DCUN1D3: variants seen among roughly 807,000 people sequenced by gnomAD.
The protein encoded by DCUN1D3 is DCN1-like protein 3.
Under a neutral mutation model 24.8 loss-of-function variants are expected in DCUN1D3, and 6 were observed. The observed-to-expected ratio is 0.24, with a 90% CI of 0.13 to 0.48. DCUN1D3 has a LOEUF of 0.48. DCUN1D3 is among the 20% of genes least tolerant of loss of function. The pLI is 0.99. For synonymous variants in DCUN1D3, 120 were observed against 144.9 expected, an observed-to-expected ratio of 0.83 and a Z score of 1.24; for missense variants, 258 against 379.4, an observed-to-expected ratio of 0.68 and a Z score of 2.66.
At position 20,862,451 on chromosome 16, in the gene DCUN1D3, T is replaced by C. The variant is rs1443602562; in HGVS notation, c.88A>G (p.Ser30Gly). 6.2e-7 allele frequency: 1 copy of C among 1,613,282 alleles called. No individual in the cohort carries two copies. The change falls in exon 2 of 3, where the codon AGC (serine) becomes GGC (glycine). Residue 30 changes from serine (S) to glycine (G), a missense_variant. By Grantham distance (56) the Ser-to-Gly change is moderately conservative. Transcript: ENST00000324344. ...TCACGGTGGCCTGCACCCCTCCTGC[T>C]ATGTGACTTGTTGCTGGGCTCACGG... ...GDREPSNKSH[S>G]RRGAGHREEQ...
At chr16:20,862,881 C>T (rs993734173) in intron 1 of DCUN1D3, among the ~76,000 whole-genome samples, 3 of 152,146 alleles carry the variant, frequency 2.0e-5, no homozygotes, top group African/African-American at 2.4e-5. Flanking sequence ...CTTAAGGTAA[C>T]ATAGATTTCA....
chr16:20,879,809 T>A (rs1041240940), intron 1 of DCUN1D3, among the ~76,000 whole-genome samples: 13 of 152,194 alleles, frequency 8.5e-5, no homozygotes, highest in African/African-American at 2.9e-4. Context: ...TTAACTCCTA[T>A]TCACCCAGGT....
In DCUN1D3 at chr16:20,856,197, A is replaced by T. The variant is rs1213697401; in HGVS notation, c.*3689T>A. ...TAAAAGTAATTGTGGTTTTTGCCAT[A>T]CTTAATGGCAATACATTAAGTATGG... On this transcript the variant is annotated 3_prime_UTR_variant, in exon 3 of 3. Coordinates refer to ENST00000324344, the MANE Select transcript of DCUN1D3 (RefSeq NM_173475.4). 3.3e-5 allele frequency: 5 copies of T among 152,188 alleles called. No homozygotes were observed. Among genetic ancestry groups the T allele is most frequent in the African/African-American group, 4.8e-5 (2 of 41,450 alleles). The allele number at this position is 152,188 out of a possible 1,614,324, so 9.4% of individuals were successfully genotyped here.
chr16:20,871,238 T>C (rs148435248), intron 1 of DCUN1D3, among the ~76,000 whole-genome samples: 32 of 152,336 alleles, frequency 2.1e-4, no homozygotes, highest in African/African-American at 7.7e-4. Flanking sequence ...ATTTTCCAGC[T>C]TTTAAAAGAC....
rs557201637 is a variant in DCUN1D3, at chr16:20,873,120, C to CAA, written c.-105-10479_-105-10478dup. Reference sequence around the variant, plus strand: ...TGGGCTACAGAGCGAGACTCTGTCTCAAAAAAAAAAAAAAAAACAACTAAC... The same window carrying CAA: ...TGGGCTACAGAGCGAGACTCTGTCTCAAAAAAAAAAAAAAAAAAACAACTAAC... On this transcript the variant is annotated intron_variant, in intron 1 of 2. Transcript: ENST00000324344. 7.7e-3 allele frequency among the ~76,000 whole-genome samples: 489 copies of CAA among 63,654 alleles called. 2 individuals are homozygous for CAA. The highest frequency in any genetic ancestry group is 0.025 in the African/African-American group (437 of 17,392). The allele number at this position is 63,654 out of a possible 152,430, so 41.8% of individuals were successfully genotyped here.
chr16:20,886,243 G>C (rs562702383), intron 1 of DCUN1D3, among the ~76,000 whole-genome samples: 1 of 152,094 alleles, frequency 6.6e-6, no homozygotes, highest in African/African-American at 2.4e-5. Context: ...TCCTGAAATC[G>C]GGACCTGCTC....
intron 1 of DCUN1D3, among the ~76,000 whole-genome samples, chr16:20,866,277 C>T (rs377149964): frequency 3.3e-5 from 5 of 152,088 alleles, no homozygotes; most frequent in Non-Finnish European, 7.4e-5. Context: ...AACAAAAGGC[C>T]CAAACTTACA....
At position 20,862,552 on chromosome 16, in the gene DCUN1D3, T is replaced by C; in HGVS notation, c.-14A>G. ...ACACTGGCCCATGGTGCTGGTGGCC[T>C]GGCCTCTAGAGTGGACCCCTCTGGA... On this transcript the variant is annotated 5_prime_UTR_variant, in exon 2 of 3. Coordinates refer to ENST00000324344, the MANE Select transcript of DCUN1D3 (RefSeq NM_173475.4). 1.3e-6 allele frequency: 2 copies of C among 1,593,350 alleles called. No individual in the cohort carries two copies. The highest frequency in any genetic ancestry group is 1.7e-6 in the Non-Finnish European group (2 of 1,175,824).
intron 1 of DCUN1D3, among the ~76,000 whole-genome samples, chr16:20,864,353 G>T (rs750587126): frequency 2.6e-5 from 4 of 151,988 alleles, no homozygotes; most frequent in Non-Finnish European, 5.9e-5. Flanking sequence ...CTTCTCAAAA[G>T]AAGACATACA....
At chr16:20,896,178 A>T (rs1480671285) in intron 1 of DCUN1D3, 1 of 152,220 alleles carries the variant, frequency 6.6e-6, no homozygotes, top group Middle Eastern at 3.2e-3. Context: ...TTTTTTTACT[A>T]ACAATATTTT....
intron 1 of DCUN1D3, among the ~76,000 whole-genome samples, chr16:20,883,278 C>T (rs367549460): frequency 4.6e-5 from 7 of 152,166 alleles, no homozygotes; most frequent in South Asian, 4.2e-4. Flanking sequence ...TTTGGGAGGC[C>T]GAGGCGGACG....
chr16:20,873,134 A>C (rs1462055991), intron 1 of DCUN1D3, among the ~76,000 whole-genome samples: 1 of 152,120 alleles, frequency 6.6e-6, no homozygotes, highest in Non-Finnish European at 1.5e-5. Flanking sequence ...AAAAAAAAAA[A>C]AAACAACTAA....
chr16:20,891,629 G>C (rs2081892813), intron 1 of DCUN1D3, among the ~76,000 whole-genome samples: 1 of 152,202 alleles, frequency 6.6e-6, no homozygotes, highest in Non-Finnish European at 1.5e-5. Context: ...GTGATGGGTG[G>C]TGGGTGTGGA....
At chr16:20,861,034 T>G (rs1286269239) in intron 2 of DCUN1D3, among the ~76,000 whole-genome samples, 1 of 152,130 alleles carries the variant, frequency 6.6e-6, no homozygotes, top group Non-Finnish European at 1.5e-5. Context: ...GTGGGGGGCA[T>G]GCAAACTACA....
At chr16:20,861,739 C>A (rs1301944528) in intron 2 of DCUN1D3, among the ~76,000 whole-genome samples, 1 of 144,522 alleles carries the variant, frequency 6.9e-6, no homozygotes, top group Non-Finnish European at 1.5e-5. Context: ...TAGGCAAAGG[C>A]GTTATTCTGC....
chr16:20,879,656 G>A (rs1282283761), intron 1 of DCUN1D3, among the ~76,000 whole-genome samples: 1 of 152,138 alleles, frequency 6.6e-6, no homozygotes, highest in African/African-American at 2.4e-5. Context: ...GAATCGCTCT[G>A]GTGGAACTAG....
intron 1 of DCUN1D3, among the ~76,000 whole-genome samples, chr16:20,894,237 C>A (rs542332306): frequency 6.6e-6 from 1 of 152,282 alleles, no homozygotes; most frequent in East Asian, 1.9e-4. Context: ...CCACTGCATT[C>A]CAGCCTGGGC....
Position 20,860,007 on chromosome 16 carries a change from G to T in DCUN1D3, c.794C>A (p.Ala265Asp). Residue 265 changes from alanine (A) to aspartate (D), a missense_variant, in exon 3 of 3, where the codon GCC (alanine) becomes GAC (aspartate). Transcript: ENST00000324344. This position sits in a 1 kb window ranked among gnomAD's most constrained non-coding sequence, Gnocchi z 4.3. ...AAAGGTGTCAAAGAGACTTGGCCAG[G>T]CCTCATCTTCACTGTAGTTGCTGAG... is the stretch of plus-strand genomic sequence containing the variant. ...PDLSNYSEDE[A>D]WPSLFDTFVE... 1 of 1,614,204 alleles carries T rather than the reference G, an allele frequency of 6.2e-7. No homozygotes were observed.
chr16:20,862,083 G>C, intron 2 of DCUN1D3, 25 bp downstream of exon 2: 1 of 1,608,434 alleles, frequency 6.2e-7, no homozygotes, highest in Non-Finnish European at 8.5e-7. Context: ...TGCTCACCTG[G>C]TGACATAAAG....
Sources: gnomAD v4.1 joint callset for allele counts (sites outside exome capture counted in the v4.1 genomes callset) on GRCh38, gnomAD v4.1.1 for gene constraint, Gnocchi (gnomAD v3.1) non-coding constraint, MANE v1.5 for transcripts, NCBI Gene and HGNC (gene_info 2026-07-23, HGNC 2026-07-21) for gene names.